Variants in GLI3 observed in about 807,000 individuals in gnomAD.
GLI3 encodes GLI family zinc finger 3, also known as transcription activator GLI3.
In GLI3, 20 loss-of-function variants were observed where a neutral mutation model predicts 100.8. That is an observed-to-expected ratio of 0.20 (90% CI 0.14 to 0.29). The LOEUF (loss-of-function observed/expected upper bound fraction) is 0.29, where lower values mean the gene tolerates loss of function less well. Ranked by LOEUF, GLI3 falls within the 10% of genes least tolerant of loss-of-function variation. The pLI is 1.00. For missense variants in GLI3, 2,040 were observed against 2,128.5 expected, an observed-to-expected ratio of 0.96 and a Z score of 0.82; for synonymous variants, 938 against 860.5, an observed-to-expected ratio of 1.09 and a Z score of -1.58.
chr7:42,241,172 G>A (rs559534434), upstream of GLI3, among the ~76,000 whole-genome samples: 8 of 152,250 alleles, frequency 5.3e-5, no homozygotes, highest in Admixed American at 3.3e-4. Context: ...AACGTCTACT[G>A]GGTTCTGTTT....
intron 12 of GLI3, among the ~76,000 whole-genome samples, chr7:41,975,204 G>C (rs895285661): frequency 3.3e-5 from 5 of 152,208 alleles, no homozygotes; most frequent in Non-Finnish European, 5.9e-5. Flanking sequence ...GAACAGAGAA[G>C]TGCCAGCAAT....
intron 3 of GLI3, among the ~76,000 whole-genome samples, chr7:42,105,898 C>T (rs1241552559): frequency 2.0e-5 from 3 of 152,142 alleles, no homozygotes; most frequent in Admixed American, 6.5e-5. Flanking sequence ...TGTGAGGTCA[C>T]GCCCGAGGTA....
At chr7:41,980,717 A>G (rs1224324420) in intron 10 of GLI3, among the ~76,000 whole-genome samples, 2 of 152,066 alleles carry the variant, frequency 1.3e-5, no homozygotes, top group Non-Finnish European at 2.9e-5. Flanking sequence ...TGGGAAACTG[A>G]ATTATAATTT....
chr7:42,002,782 G>A (rs570652918), intron 10 of GLI3, among the ~76,000 whole-genome samples: 32 of 152,164 alleles, frequency 2.1e-4, no homozygotes, highest in Non-Finnish European at 3.7e-4. Context: ...TTTGTAAGAA[G>A]CCAACTTGGC....
intron 10 of GLI3, among the ~76,000 whole-genome samples, chr7:41,991,664 T>A (rs572455994): frequency 6.6e-6 from 1 of 152,306 alleles, no homozygotes; most frequent in African/African-American, 2.4e-5. Flanking sequence ...ATATGAGACA[T>A]AGGCATTGTG....
rs916320848 is a variant in GLI3 at position 42,191,319 on chromosome 7, G to A, written c.124+31811C>T. On this transcript the variant is annotated intron_variant, in intron 2 of 14. Transcript: ENST00000395925. ...CAGCAATTACCAGTCAATAAAAATA[G>A]ATAATAATAGCCGGCCGTGGTGGCT... 1.3e-5 allele frequency among the ~76,000 whole-genome samples: 2 copies of A among 152,092 alleles called. 1 individual carries two copies. Among genetic ancestry groups the A allele is most frequent in the Middle Eastern group, 6.3e-3 (2 of 316 alleles).
At chr7:41,975,903 C>A (rs533223741) in intron 12 of GLI3, among the ~76,000 whole-genome samples, 11 of 152,270 alleles carry the variant, frequency 7.2e-5, no homozygotes, top group Non-Finnish European at 8.8e-5. Context: ...ATATGAAATA[C>A]ATTCTGTTAA....
chr7:42,035,450 A>T (rs928258712), intron 7 of GLI3, among the ~76,000 whole-genome samples: 3 of 152,186 alleles, frequency 2.0e-5, no homozygotes, highest in African/African-American at 7.2e-5. Flanking sequence ...CAACAGAAAA[A>T]CATTGCACTG....
intron 4 of GLI3, among the ~76,000 whole-genome samples, chr7:42,073,752 AG>A (rs1784827694): frequency 6.6e-6 from 1 of 152,224 alleles, no homozygotes; most frequent in African/African-American, 2.4e-5. Context: ...TGGCACCAGA[AG>A]AACAATTGTG....
At chr7:42,213,271 T>C (rs1788306373) in intron 2 of GLI3, among the ~76,000 whole-genome samples, 2 of 152,260 alleles carry the variant, frequency 1.3e-5, no homozygotes, top group Admixed American at 6.5e-5. Flanking sequence ...AAGAAAGTCC[T>C]TGAATATAAT....
intron 5 of GLI3, among the ~76,000 whole-genome samples, chr7:42,046,332 C>T (rs770249220): frequency 3.9e-5 from 6 of 152,144 alleles, no homozygotes. Flanking sequence ...ACACTTAGCA[C>T]ATAGCATTCA....
chr7:42,248,518 C>T (rs1159451414), intron 1 of GLI3, among the ~76,000 whole-genome samples: 1 of 152,142 alleles, frequency 6.6e-6, no homozygotes, highest in Non-Finnish European at 1.5e-5. Context: ...AAATCAAAGA[C>T]GATTAAGTGA....
At chr7:42,078,672 A>C (rs2128752355) in intron 3 of GLI3, among the ~76,000 whole-genome samples, 1 of 152,026 alleles carries the variant, frequency 6.6e-6, no homozygotes, top group African/African-American at 2.4e-5. Context: ...ATATACAACA[A>C]TGCTGAAAAT....
Position 41,965,064 on chromosome 7 carries a change from C to A in GLI3, c.4009G>T (p.Ala1337Ser), listed in dbSNP as rs754252606. 1.2e-6 allele frequency: 2 copies of A among 1,613,568 alleles called. No individual in the cohort carries two copies. Among genetic ancestry groups the A allele is most frequent in the Admixed American group, 1.7e-5 (1 of 60,006 alleles). ...AGCATCTGCTGACCGGGGCGGCCTG[C>A]CCCCGGGTGCTGCATGCTGTCGCCG... ...LLGDSMQHPGAGRPGQQMLGQ... is the reference protein window; with the variant it reads ...LLGDSMQHPGSGRPGQQMLGQ... Residue 1337 changes from alanine to serine, a missense_variant, in exon 15 of 15, where the codon GCA becomes TCA. Transcript: ENST00000395925.
intron 4 of GLI3, among the ~76,000 whole-genome samples, chr7:42,069,020 A>G (rs1362248802): frequency 1.3e-5 from 2 of 152,310 alleles, no homozygotes; most frequent in African/African-American, 2.4e-5. Context: ...AGTCTGTTAC[A>G]GCCCAGTACC....
chr7:42,064,259 G>C (rs544887565), intron 4 of GLI3, among the ~76,000 whole-genome samples: 11 of 152,282 alleles, frequency 7.2e-5, no homozygotes, highest in Admixed American at 6.5e-4. Context: ...GAATCCCCTT[G>C]TAAGTGTCCA....
chr7:42,207,517 A>C (rs1788180177), intron 2 of GLI3, among the ~76,000 whole-genome samples: 1 of 152,212 alleles, frequency 6.6e-6, no homozygotes, highest in African/African-American at 2.4e-5. Context: ...GCTGATGGAA[A>C]TATAAGTTGC....
intron 1 of GLI3, among the ~76,000 whole-genome samples, chr7:42,246,240 G>A (rs1029255586): frequency 2.0e-5 from 3 of 152,208 alleles, no homozygotes; most frequent in African/African-American, 7.2e-5. Flanking sequence ...GCCTGGAGTA[G>A]AAAGACTATG....
At chr7:42,120,478 C>G (rs1262462328) in intron 3 of GLI3, among the ~76,000 whole-genome samples, 2 of 152,166 alleles carry the variant, frequency 1.3e-5, no homozygotes, top group African/African-American at 4.8e-5. Flanking sequence ...TTTATAAGTA[C>G]AAACACTGAA....
Sources: gnomAD v4.1 joint callset for allele counts (sites outside exome capture counted in the v4.1 genomes callset) on GRCh38, gnomAD v4.1.1 for gene constraint, MANE v1.5 for transcripts, NCBI Gene and HGNC (gene_info 2026-07-23, HGNC 2026-07-21) for gene names.